GPR39: variants seen among roughly 807,000 people sequenced by gnomAD.
GPR39 encodes the protein G protein-coupled receptor 39.
A neutral mutation model predicts 18.4 loss-of-function variants in GPR39; 23 were observed. The ratio of observed to expected loss-of-function variants is 1.25; its 90% CI spans 0.90 to 1.77. GPR39 has a LOEUF of 1.77. Among genes scored for constraint, GPR39 ranks in the 40% most tolerant of loss-of-function variants. The probability of loss-of-function intolerance (pLI) is 0.00; values close to 1 mark genes in which losing one functional copy is unlikely to be tolerated. For synonymous variants in GPR39, 280 were observed against 257.9 expected, an observed-to-expected ratio of 1.09 and a Z score of -0.82; for missense variants, 647 against 602.4, an observed-to-expected ratio of 1.07 and a Z score of -0.78.
chr2:132,572,548 A>C (rs544315080), intron 1 of GPR39, among the ~76,000 whole-genome samples: 1 of 152,028 alleles, frequency 6.6e-6, no homozygotes, highest in South Asian at 2.1e-4. Flanking sequence ...AAAAAAAAAA[A>C]AAAAACCTCA....
At position 132,417,523 on chromosome 2, in the gene GPR39, G is replaced by A. The variant is rs753863618; in HGVS notation, c.481G>A (p.Val161Ile). ...GAAGCTGCTGATTGGCTTCGTCTGG[G>A]TCACCTCCGCCCTGGTGGCACTGCC... ...QVKLLIGFVW[V>I]TSALVALPLL... Residue 161 changes from valine (V) to isoleucine (I), a missense_variant, in exon 1 of 2, where the codon GTC becomes ATC. Around this residue, in one of 3 missense-constraint regions of GPR39, gnomAD observed 581 missense variants for 506.8 expected, o/e 1.15. Transcript: ENST00000329321. 3.1e-6 allele frequency: 5 copies of A among 1,613,980 alleles called. No homozygotes were observed. In the South Asian group the frequency reaches 3.3e-5, roughly 11 times the overall value.
At chr2:132,592,794 T>A (rs1054186496) in intron 1 of GPR39, among the ~76,000 whole-genome samples, 2 of 152,108 alleles carry the variant, frequency 1.3e-5, no homozygotes, top group African/African-American at 2.4e-5. Context: ...CTTGGATTGA[T>A]TGGATGCAGA....
At chr2:132,601,061 C>A (rs560605177) in intron 1 of GPR39, among the ~76,000 whole-genome samples, 3 of 152,232 alleles carry the variant, frequency 2.0e-5, no homozygotes, top group Admixed American at 2.0e-4. Flanking sequence ...GAACTAACAC[C>A]AATTCTTCTC....
chr2:132,489,357 G>C (rs1396285618), intron 1 of GPR39, among the ~76,000 whole-genome samples: 1 of 152,106 alleles, frequency 6.6e-6, no homozygotes, highest in South Asian at 2.1e-4. Flanking sequence ...CGAGGGCGGT[G>C]GGGGCCGCTG....
At chr2:132,518,294 T>C (rs4606980) in intron 1 of GPR39, among the ~76,000 whole-genome samples, 71,285 of 152,130 alleles carry the variant, frequency 0.47, 17,378 homozygotes, top group Non-Finnish European at 0.54. Flanking sequence ...TCCATAATAG[T>C]ACATTCAGCT....
intron 1 of GPR39, among the ~76,000 whole-genome samples, chr2:132,608,487 G>A (rs572299123): frequency 2.8e-4 from 43 of 152,076 alleles, no homozygotes; most frequent in Admixed American, 5.2e-4. Flanking sequence ...TTTTTGACTC[G>A]GCTCTAGAAA....
At chr2:132,600,841 A>C (rs1044216438) in intron 1 of GPR39, among the ~76,000 whole-genome samples, 9 of 152,184 alleles carry the variant, frequency 5.9e-5, no homozygotes, top group Middle Eastern at 3.4e-3. Context: ...TTTTGTTTAC[A>C]TTGGTGAATT....
intron 1 of GPR39, among the ~76,000 whole-genome samples, chr2:132,622,276 C>A (rs1488366446): frequency 6.6e-6 from 1 of 152,122 alleles, no homozygotes; most frequent in African/African-American, 2.4e-5. Flanking sequence ...CACCTATAAT[C>A]CCACCTACTG....
chr2:132,564,331 A>T (rs982400779), intron 1 of GPR39, among the ~76,000 whole-genome samples: 3 of 152,070 alleles, frequency 2.0e-5, no homozygotes, highest in Admixed American at 6.6e-5. Flanking sequence ...ATGAGTGGCC[A>T]CCCCTCCCAG....
chr2:132,570,730 C>T (rs1680428101), intron 1 of GPR39, among the ~76,000 whole-genome samples: 1 of 152,132 alleles, frequency 6.6e-6, no homozygotes, highest in South Asian at 2.1e-4. Context: ...CATTACTTCT[C>T]TGAATCTGCC....
chr2:132,521,841 A>G (rs1679431739), intron 1 of GPR39, among the ~76,000 whole-genome samples: 1 of 152,070 alleles, frequency 6.6e-6, no homozygotes, highest in South Asian at 2.1e-4. Context: ...CTGTGTCTTC[A>G]TTCATTTGAT....
intron 1 of GPR39, among the ~76,000 whole-genome samples, chr2:132,600,830 T>C (rs1177892417): frequency 6.6e-6 from 1 of 152,252 alleles, no homozygotes. Context: ...GCACAAGTGG[T>C]TTTTGTTTAC....
chr2:132,467,728 T>C (rs1435898856), intron 1 of GPR39, among the ~76,000 whole-genome samples: 1 of 152,200 alleles, frequency 6.6e-6, no homozygotes, highest in African/African-American at 2.4e-5. Context: ...CTAAGCTGTA[T>C]GGTACTAAAG....
intron 1 of GPR39, among the ~76,000 whole-genome samples, chr2:132,447,107 G>C (rs1017558761): frequency 6.6e-6 from 1 of 152,072 alleles, no homozygotes; most frequent in Non-Finnish European, 1.5e-5. Flanking sequence ...TCTGAGTAGC[G>C]GGCCTGTTGC....
chr2:132,633,064 T>C (rs1681679867), intron 1 of GPR39, among the ~76,000 whole-genome samples: 1 of 151,878 alleles, frequency 6.6e-6, no homozygotes, highest in East Asian at 1.9e-4. Context: ...GAATGGGGGG[T>C]AAAGAGGGTA....
intron 1 of GPR39, among the ~76,000 whole-genome samples, chr2:132,550,336 G>C (rs1393141508): frequency 6.6e-6 from 1 of 152,214 alleles, no homozygotes; most frequent in East Asian, 1.9e-4. Context: ...AGCAGTTCTG[G>C]AGGATGGCAA....
At chr2:132,494,304 T>C (rs942903354) in intron 1 of GPR39, among the ~76,000 whole-genome samples, 2 of 152,166 alleles carry the variant, frequency 1.3e-5, no homozygotes, top group Non-Finnish European at 2.9e-5. Flanking sequence ...CTACCTCTCC[T>C]AGCCTCTCCT....
At chr2:132,580,155 G>A (rs1680598398) in intron 1 of GPR39, among the ~76,000 whole-genome samples, 1 of 152,234 alleles carries the variant, frequency 6.6e-6, no homozygotes, top group African/African-American at 2.4e-5. Flanking sequence ...GGTATGTAAA[G>A]TCTCTAATAG....
At chr2:132,534,567 T>C (rs1488947194) in intron 1 of GPR39, among the ~76,000 whole-genome samples, 1 of 150,298 alleles carries the variant, frequency 6.7e-6, no homozygotes, top group Non-Finnish European at 1.5e-5. Context: ...CTATTCACAA[T>C]AGCAAAGACT....
Sources: gnomAD v4.1 joint callset for allele counts (sites outside exome capture counted in the v4.1 genomes callset) on GRCh38, gnomAD v4.1.1 for gene constraint, gnomAD v4.1.1 regional missense constraint, MANE v1.5 for transcripts, NCBI Gene and HGNC (gene_info 2026-07-23, HGNC 2026-07-21) for gene names.